RPS6KA6: variants seen among roughly 807,000 people sequenced by gnomAD.
The protein encoded by RPS6KA6 is ribosomal protein S6 kinase A6, also known as ribosomal protein S6 kinase alpha-6.
A neutral mutation model predicts 65.4 loss-of-function variants in RPS6KA6; 27 were observed. The observed-to-expected ratio is 0.41, with a 90% CI of 0.30 to 0.57. The LOEUF is 0.57. RPS6KA6 is among the 20% of genes least tolerant of loss of function. The pLI is 0.24. For synonymous variants in RPS6KA6, 190 were observed against 184.2 expected, an observed-to-expected ratio of 1.03 and a Z score of -0.26; for missense variants, 486 against 555.6, an observed-to-expected ratio of 0.87 and a Z score of 1.26.
At chrX:84,123,883 G>A (rs976138576) in intron 8 of RPS6KA6, among the ~76,000 whole-genome samples, 3 of 111,144 alleles carry the variant, frequency 2.7e-5, no homozygotes, top group Admixed American at 9.6e-5. Flanking sequence ...AGCCAAGGTC[G>A]AGACCCAGTG....
intron 21 of RPS6KA6, among the ~76,000 whole-genome samples, chrX:84,064,683 G>T (rs2033362439): frequency 9.0e-6 from 1 of 111,217 alleles, no homozygotes; most frequent in Admixed American, 9.7e-5. Flanking sequence ...TATAAATTAA[G>T]AACTAACAGC....
At position 84,072,537 on chromosome X, in the gene RPS6KA6, C is replaced by G. The variant is rs745309069; in HGVS notation, c.1972-7426G>C. Among the ~76,000 whole-genome samples, 3 of 111,361 alleles carry G rather than the reference C, an allele frequency of 2.7e-5. No homozygotes were observed. The South Asian group carries it at 1.1e-3, about 42-fold the overall frequency. ...TTTACCACTTTTATTCAGCATAGTT[C>G]TGGAAGTCCTAGCCAGAACAATTGG... On this transcript the variant is annotated intron_variant, in intron 20 of 21. Transcript: ENST00000262752.
chrX:84,106,554 C>G, intron 14 of RPS6KA6, 67 bp from the exon 15 acceptor site: 1 of 757,665 alleles, frequency 1.3e-6, no homozygotes, highest in Non-Finnish European at 1.9e-6. Context: ...GTCTTTTGTC[C>G]TAAATATACA....
At chrX:84,071,541 C>T (rs756382825) in intron 20 of RPS6KA6, among the ~76,000 whole-genome samples, 1 of 110,505 alleles carries the variant, frequency 9.0e-6, no homozygotes, top group African/African-American at 3.3e-5. Flanking sequence ...AAAGTTCAAG[C>T]ATACTTATAG....
chrX:84,089,409 C>T (rs1013149163), intron 20 of RPS6KA6, among the ~76,000 whole-genome samples: 3 of 111,872 alleles, frequency 2.7e-5, no homozygotes, highest in Middle Eastern at 4.6e-3. Flanking sequence ...CAGAATGATG[C>T]TGCCTGGCTC....
intron 20 of RPS6KA6, among the ~76,000 whole-genome samples, chrX:84,069,963 G>A (rs969008027): frequency 8.9e-6 from 1 of 111,871 alleles, no homozygotes; most frequent in African/African-American, 3.2e-5. Flanking sequence ...CTGTTGGTGG[G>A]AGTGTAAATT....
At chrX:84,130,057 C>T (rs2034869156) in intron 8 of RPS6KA6, among the ~76,000 whole-genome samples, 1 of 111,160 alleles carries the variant, frequency 9.0e-6, no homozygotes, top group Non-Finnish European at 1.9e-5. Flanking sequence ...CCCATTTACC[C>T]TGATGTGATT....
At chrX:84,165,944 G>C (rs1428047896) in intron 1 of RPS6KA6, among the ~76,000 whole-genome samples, 1 of 112,046 alleles carries the variant, frequency 8.9e-6, no homozygotes, top group East Asian at 2.8e-4. Flanking sequence ...AGAAATCAGA[G>C]AGGATAGAAT....
At chrX:84,144,920 A>T (rs1269598263) in intron 6 of RPS6KA6, among the ~76,000 whole-genome samples, 1 of 111,008 alleles carries the variant, frequency 9.0e-6, no homozygotes, top group Admixed American at 9.6e-5. Context: ...AAAAAAAATG[A>T]ATATACTATA....
chrX:84,078,369 T>C (rs1243383649), intron 20 of RPS6KA6, among the ~76,000 whole-genome samples: 3 of 111,225 alleles, frequency 2.7e-5, no homozygotes, highest in Admixed American at 9.6e-5. Flanking sequence ...GTAAAATAGC[T>C]CAGATAATTT....
At chrX:84,109,731 C>T (rs1020366466) in intron 12 of RPS6KA6, among the ~76,000 whole-genome samples, 2 of 110,663 alleles carry the variant, frequency 1.8e-5, no homozygotes, top group African/African-American at 6.6e-5. Context: ...CCTGTGACTC[C>T]AAGAACCAGC....
chrX:84,184,674 A>G (rs1339676339), intron 1 of RPS6KA6, among the ~76,000 whole-genome samples: 4 of 109,325 alleles, frequency 3.7e-5, no homozygotes, highest in Non-Finnish European at 7.6e-5. Context: ...TTTTATCAGT[A>G]AACTACATAC....
At chrX:84,102,268 T>C (rs890752273) in intron 17 of RPS6KA6, 70 bp from the exon 18 acceptor site, 2 of 539,040 alleles carry the variant, frequency 3.7e-6, no homozygotes, top group Non-Finnish European at 5.2e-6. Context: ...AAACATTATA[T>C]CTATATAATT....
At position 84,160,566 on chromosome X, in the gene RPS6KA6, T is replaced by C. The variant is rs777794749; in HGVS notation, c.141+3762A>G. On this transcript the variant is annotated intron_variant, in intron 2 of 21. Coordinates refer to ENST00000262752, the MANE Select transcript of RPS6KA6 (RefSeq NM_014496.5). ...CAAATCAAAACAAAAGAAGTATTTT[T>C]AAAGCCTGAACTTGTTCATTTTTAT... 3.6e-5 allele frequency among the ~76,000 whole-genome samples: 4 copies of C among 111,848 alleles called. No individual in the cohort carries two copies. In the South Asian group the frequency reaches 1.5e-3, roughly 41 times the overall value.
intron 8 of RPS6KA6, among the ~76,000 whole-genome samples, chrX:84,132,479 C>T (rs942529426): frequency 7.2e-5 from 8 of 110,391 alleles, no homozygotes; most frequent in Non-Finnish European, 1.3e-4. Context: ...AAAAATGCAA[C>T]AGATTATAGC....
intron 20 of RPS6KA6, among the ~76,000 whole-genome samples, chrX:84,087,920 A>G (rs1344385634): frequency 9.0e-6 from 1 of 111,303 alleles, no homozygotes; most frequent in African/African-American, 3.3e-5. Context: ...AAGCTCTGAG[A>G]TTTTTTCCTC....
chrX:84,106,457 C>T lies in RPS6KA6; in HGVS notation c.1273G>A (p.Val425Ile). The T allele has an allele frequency of 8.6e-7, 1 of 1,162,250 alleles. No homozygotes were observed. The highest frequency in any genetic ancestry group is 1.2e-6 in the Non-Finnish European group (1 of 856,162). Residue 425 changes from valine (V) to isoleucine (I), a missense_variant, in exon 15 of 22, where the codon GTA becomes ATA. Around this residue, in one of 3 missense-constraint regions of RPS6KA6, gnomAD observed 345 missense variants for 375.0 expected, o/e 0.92. Coordinates refer to ENST00000262752, the MANE Select transcript of RPS6KA6 (RefSeq NM_014496.5). ...CCAATATCCTCCTTCAATTCATATA[C>T]TTCACCAAATTGTGCAGCATTTCCA... is the stretch of plus-strand genomic sequence containing the variant. Reference protein sequence around the residue: ...INGNAAQFGEVYELKEDIGVG... With the variant: ...INGNAAQFGEIYELKEDIGVG...
At chrX:84,074,649 T>C (rs1037848707) in intron 20 of RPS6KA6, among the ~76,000 whole-genome samples, 4 of 111,871 alleles carry the variant, frequency 3.6e-5, no homozygotes, top group African/African-American at 1.3e-4. Context: ...ACAATTTTTA[T>C]GTGTTAATTA....
At chrX:84,103,117 GATT>G (rs1364069200) in intron 17 of RPS6KA6, among the ~76,000 whole-genome samples, 1 of 110,811 alleles carries the variant, frequency 9.0e-6, no homozygotes, top group Non-Finnish European at 1.9e-5. Context: ...CTCTATAACT[GATT>G]ATTATAATGC....
Sources: allele counts gnomAD v4.1 joint callset (sites outside exome capture counted in the v4.1 genomes callset), GRCh38; gene constraint gnomAD v4.1.1; regional missense constraint gnomAD v4.1.1; transcripts MANE v1.5; gene names NCBI Gene and HGNC (gene_info 2026-07-23, HGNC 2026-07-21).